ST8SIA5: variants seen among roughly 807,000 people sequenced by gnomAD.
ST8SIA5 encodes the protein ST8 alpha-N-acetyl-neuraminide alpha-2,8-sialyltransferase 5.
In ST8SIA5, 24 loss-of-function variants were observed where a neutral mutation model predicts 40.2. The observed-to-expected ratio is 0.60, with a 90% CI of 0.43 to 0.84. The LOEUF is 0.84. Among genes scored for constraint, ST8SIA5 ranks in the 40% least tolerant of loss-of-function variants. The pLI is 0.00. For synonymous variants in ST8SIA5, 198 were observed against 201.8 expected, an observed-to-expected ratio of 0.98 and a Z score of 0.16; for missense variants, 465 against 498.5, an observed-to-expected ratio of 0.93 and a Z score of 0.64.
intron 4 of ST8SIA5, among the ~76,000 whole-genome samples, chr18:46,686,705 G>C (rs1278163391): frequency 2.0e-5 from 3 of 151,854 alleles, no homozygotes; most frequent in Non-Finnish European, 4.4e-5. Context: ...CCTTATTTGT[G>C]GTCCATTTTC....
intron 3 of ST8SIA5, chr18:46,691,883 C>T: frequency 2.3e-6 from 1 of 435,934 alleles, no homozygotes; most frequent in Non-Finnish European, 4.3e-6. Flanking sequence ...CTGCTAATAG[C>T]TTCAGTGAAC....
intron 1 of ST8SIA5, among the ~76,000 whole-genome samples, chr18:46,713,540 A>G (rs548810064): frequency 5.9e-5 from 9 of 152,254 alleles, no homozygotes; most frequent in Non-Finnish European, 1.0e-4. Flanking sequence ...AGAGAGAAGA[A>G]GAAAGAGGGC....
At chr18:46,743,825 G>A (rs2144563355) in intron 1 of ST8SIA5, among the ~76,000 whole-genome samples, 1 of 152,276 alleles carries the variant, frequency 6.6e-6, no homozygotes, top group East Asian at 1.9e-4. Flanking sequence ...GAAAGGTCGG[G>A]TTACCCACAA....
At position 46,669,133 on chromosome 18, in the gene ST8SIA5, G is replaced by T. The variant is rs1360302740; in HGVS notation, c.*10909C>A. ...CCCAAAGAGGAATGAATACGAACAG[G>T]TCCCTCCACACAGGTGCTGGGCAGG... On this transcript the variant is annotated 3_prime_UTR_variant, in exon 7 of 7. Transcript: ENST00000315087. 1.3e-5 allele frequency: 2 copies of T among 152,642 alleles called. No individual in the cohort carries two copies. The highest frequency in any genetic ancestry group is 4.8e-5 in the African/African-American group (2 of 41,472). 9.5% of individuals were successfully genotyped at this position (152,642 alleles called of 1,614,324 possible).
At chr18:46,730,404 T>C in intron 1 of ST8SIA5, 1 of 224,178 alleles carries the variant, frequency 4.5e-6, no homozygotes, top group Non-Finnish European at 7.5e-6. Flanking sequence ...ATATAAAGGC[T>C]TTTATATCTA....
At chr18:46,738,680 C>A (rs569652284) in intron 1 of ST8SIA5, among the ~76,000 whole-genome samples, 8 of 151,930 alleles carry the variant, frequency 5.3e-5, no homozygotes, top group African/African-American at 1.2e-4. Context: ...CACCCTCCCC[C>A]TCGAGAACCA....
intron 1 of ST8SIA5, among the ~76,000 whole-genome samples, chr18:46,728,546 A>G (rs1599139874): frequency 6.6e-6 from 1 of 152,372 alleles, no homozygotes; most frequent in East Asian, 1.9e-4. Flanking sequence ...GGTTCCCCAA[A>G]GAAGCCCCAC....
intron 2 of ST8SIA5, among the ~76,000 whole-genome samples, chr18:46,697,112 T>C (rs1232201234): frequency 7.1e-6 from 1 of 140,108 alleles, no homozygotes; most frequent in Non-Finnish European, 1.5e-5. Context: ...ATCAGACTAT[T>C]AGTTCCTCTG....
At chr18:46,716,116 A>ATAGT (rs1310461220) in intron 1 of ST8SIA5, among the ~76,000 whole-genome samples, 17 of 151,950 alleles carry the variant, frequency 1.1e-4, no homozygotes, top group African/African-American at 3.4e-4. Context: ...AGATAGATAG[A>ATAGT]TAGATAGATA....
At chr18:46,689,540 T>C (rs1445189686) in intron 3 of ST8SIA5, among the ~76,000 whole-genome samples, 2 of 151,986 alleles carry the variant, frequency 1.3e-5, no homozygotes, top group Admixed American at 1.3e-4. Context: ...TAATTTGTGA[T>C]TCCAGCTTGC....
chr18:46,720,527 C>A (rs995042790), intron 1 of ST8SIA5, among the ~76,000 whole-genome samples: 2 of 152,146 alleles, frequency 1.3e-5, no homozygotes, highest in African/African-American at 4.8e-5. Flanking sequence ...TTGAAAAACC[C>A]ATTACTTCTC....
At chr18:46,735,779 AT>A (rs11287743) in intron 1 of ST8SIA5, among the ~76,000 whole-genome samples, 10,094 of 145,020 alleles carry the variant, frequency 0.07, 644 homozygotes, top group East Asian at 0.31. Context: ...CACCTGGATA[AT>A]TTTTTTTTTT....
In ST8SIA5 at chr18:46,680,190, G is replaced by GAA; in HGVS notation, c.982_983insTT (p.Pro328LeufsTer106). 1 of 1,614,220 alleles carries GAA rather than the reference G, an allele frequency of 6.2e-7. No homozygotes were observed. The highest frequency in any genetic ancestry group is 1.1e-5 in the South Asian group (1 of 91,078). On this transcript the variant is annotated frameshift_variant, in exon 7 of 7. Coordinates refer to ENST00000315087, the MANE Select transcript of ST8SIA5 (RefSeq NM_013305.6). LOFTEE classifies it high-confidence loss of function. ...GTGGTGAGTGATGTAGAGGCCCGAG[G>GAA]GGTTCATGGGGAAGGCCCAGAAGCC...
chr18:46,680,616 C>A, intron 6 of ST8SIA5, 106 bp from the exon 7 acceptor site: 1 of 1,176,698 alleles, frequency 8.5e-7, no homozygotes, highest in Non-Finnish European at 1.2e-6. Flanking sequence ...GGAAGGGACT[C>A]ATAAGGCCAC....
chr18:46,701,470 G>A (rs559394829), intron 2 of ST8SIA5, among the ~76,000 whole-genome samples: 88 of 152,206 alleles, frequency 5.8e-4, no homozygotes, highest in African/African-American at 2.0e-3. Context: ...AAGTTAAAAT[G>A]AGGCCATCAG....
intron 4 of ST8SIA5, 127 bp downstream of exon 4, chr18:46,688,648 G>C (rs328119): frequency 7.9e-7 from 1 of 1,260,824 alleles, no homozygotes; most frequent in Non-Finnish European, 1.1e-6. Flanking sequence ...TGGTCAACCA[G>C]GACCAAGACA....
chr18:46,724,399 C>A (rs1246281643), intron 1 of ST8SIA5, among the ~76,000 whole-genome samples: 1 of 152,268 alleles, frequency 6.6e-6, no homozygotes, highest in Non-Finnish European at 1.5e-5. Context: ...GGAAAAGGTA[C>A]AACTCACAGG....
In ST8SIA5 at chr18:46,680,222, G is replaced by A. The variant is rs771871855; in HGVS notation, c.951C>T (p.His317=). ...TGGGGAAGGCCCAGAAGCCAAAGAG[G>A]TGCACCTCCTCACAGAGCTCCAGCG... ...TAALELCEEV[H]LFGFWAFPMN... is the part of the protein sequence containing the mutation. Residue 317 remains histidine (H), a synonymous_variant, in exon 7 of 7, where the codon CAC becomes CAT. Transcript: ENST00000315087. The A allele has an allele frequency of 1.2e-6, 2 of 1,614,232 alleles. No individual in the cohort carries two copies. Among genetic ancestry groups the A allele is most frequent in the East Asian group, 4.5e-5 (2 of 44,878 alleles).
intron 1 of ST8SIA5, among the ~76,000 whole-genome samples, chr18:46,727,590 T>C (rs2039943562): frequency 6.6e-6 from 1 of 152,192 alleles, no homozygotes; most frequent in African/African-American, 2.4e-5. Context: ...ATATATATGT[T>C]CCAGGCACTG....
Sources: allele counts gnomAD v4.1 joint callset (sites outside exome capture counted in the v4.1 genomes callset), GRCh38; gene constraint gnomAD v4.1.1; transcripts MANE v1.5; gene names NCBI Gene and HGNC (gene_info 2026-07-23, HGNC 2026-07-21).